LYPD6: variants seen among roughly 807,000 people sequenced by gnomAD.
The protein encoded by LYPD6 is ly6/PLAUR domain-containing protein 6.
Under a neutral mutation model 22.7 loss-of-function variants are expected in LYPD6, and 15 were observed. The ratio of observed to expected loss-of-function variants is 0.66; its 90% CI spans 0.44 to 1.02. The LOEUF is 1.02. LYPD6 is among the 50% of genes least tolerant of loss of function. LYPD6 has a pLI of 0.00. For missense variants in LYPD6, 189 were observed against 208.4 expected (o/e 0.91, Z 0.57); for synonymous variants, 72 against 77.5 (o/e 0.93, Z 0.37).
At chr2:149,330,374 T>G (rs1028035871), upstream of LYPD6, 2 of 151,168 alleles carry the variant, frequency 1.3e-5, no homozygotes, top group East Asian at 2.0e-4. Context: ...GTTTGCAGAC[T>G]TGGCGCTCAG....
intron 1 of LYPD6, among the ~76,000 whole-genome samples, chr2:149,343,803 A>G (rs1188686941): frequency 1.3e-5 from 2 of 152,084 alleles, no homozygotes; most frequent in Non-Finnish European, 2.9e-5. Context: ...ACTTCTTTGA[A>G]CTTCAGTTTC....
At position 149,448,364 on chromosome 2, in the gene LYPD6, C is replaced by T. The variant is rs966466478; in HGVS notation, c.119-685C>T. On this transcript the variant is annotated intron_variant, in intron 2 of 4. Coordinates refer to ENST00000334166, the MANE Select transcript of LYPD6 (RefSeq NM_194317.5). The stretch of plus-strand genomic sequence containing the variant: ...ACTAGTATATTAATATCAATACAAT[C>T]GGTCTACCAATGTCATTCTGATTTC... 1.8e-4 allele frequency among the ~76,000 whole-genome samples: 27 copies of T among 152,098 alleles called. 1 individual carries two copies. The highest frequency in any genetic ancestry group is 6.2e-4 in the South Asian group (3 of 4,826).
chr2:149,406,713 G>A (rs1443077882), intron 1 of LYPD6, among the ~76,000 whole-genome samples: 1 of 151,896 alleles, frequency 6.6e-6, no homozygotes, highest in Non-Finnish European at 1.5e-5. Context: ...CTTTTAATTG[G>A]AGCATTTAGT....
chr2:149,378,812 TG>T (rs1048826458), intron 1 of LYPD6, among the ~76,000 whole-genome samples: 7 of 152,306 alleles, frequency 4.6e-5, no homozygotes, highest in Admixed American at 1.3e-4. Context: ...CCTCCACTTC[TG>T]GGGCATGATC....
At chr2:149,341,597 C>T (rs920235430) in intron 1 of LYPD6, among the ~76,000 whole-genome samples, 2 of 152,222 alleles carry the variant, frequency 1.3e-5, no homozygotes, top group East Asian at 1.9e-4. Flanking sequence ...ATCTTAGACT[C>T]GTTGTGCTAC....
intron 3 of LYPD6, among the ~76,000 whole-genome samples, chr2:149,453,609 T>A (rs758741111): frequency 2.0e-5 from 3 of 152,234 alleles, no homozygotes; most frequent in Non-Finnish European, 4.4e-5. Context: ...GCTGGACATA[T>A]CCCTTGATGG....
intron 1 of LYPD6, among the ~76,000 whole-genome samples, chr2:149,391,345 T>A (rs556973398): frequency 6.6e-6 from 1 of 152,310 alleles, no homozygotes; most frequent in Admixed American, 6.5e-5. Context: ...CCTTTGAGCT[T>A]TTTCTTATTC....
intron 1 of LYPD6, among the ~76,000 whole-genome samples, chr2:149,409,294 C>G (rs1161197375): frequency 1.3e-5 from 2 of 152,180 alleles, no homozygotes; most frequent in African/African-American, 4.8e-5. Flanking sequence ...CCAGCACCTG[C>G]TCTGGTGGAG....
intron 2 of LYPD6, among the ~76,000 whole-genome samples, chr2:149,439,491 A>G (rs1573809227): frequency 1.3e-5 from 2 of 152,188 alleles, no homozygotes; most frequent in South Asian, 2.1e-4. Context: ...CAGCTTCTGT[A>G]TGATTCCTTC....
chr2:149,486,090 A>G, the LYPD6 span, among the ~76,000 whole-genome samples: 1 of 152,232 alleles, frequency 6.6e-6, no homozygotes, highest in Non-Finnish European at 1.5e-5. Flanking sequence ...TCATTATTAT[A>G]TTACACTTGA....
intron 1 of LYPD6, among the ~76,000 whole-genome samples, chr2:149,436,683 G>A (rs1000190917): frequency 6.6e-6 from 1 of 152,038 alleles, no homozygotes; most frequent in Non-Finnish European, 1.5e-5. Flanking sequence ...AGGTTTAAGC[G>A]ATTCTCCTGC....
At chr2:149,465,289 T>G (rs1168412138) in intron 3 of LYPD6, among the ~76,000 whole-genome samples, 2 of 151,944 alleles carry the variant, frequency 1.3e-5, no homozygotes, top group African/African-American at 4.8e-5. Flanking sequence ...GGGTCAGACA[T>G]GGGAAAAGGG....
At chr2:149,399,092 A>C (rs1415376710) in intron 1 of LYPD6, among the ~76,000 whole-genome samples, 1 of 152,162 alleles carries the variant, frequency 6.6e-6, no homozygotes, top group Non-Finnish European at 1.5e-5. Context: ...ATGAAGAGGA[A>C]GGTGTTAAAA....
At chr2:149,390,677 G>C (rs1000024322) in intron 1 of LYPD6, among the ~76,000 whole-genome samples, 1 of 152,038 alleles carries the variant, frequency 6.6e-6, no homozygotes, top group Non-Finnish European at 1.5e-5. Context: ...TCTTATGATA[G>C]CCAATTCTAT....
intron 1 of LYPD6, among the ~76,000 whole-genome samples, chr2:149,355,506 A>G (rs1236953589): frequency 1.3e-5 from 2 of 152,188 alleles, no homozygotes; most frequent in African/African-American, 4.8e-5. Context: ...AAATAATCTT[A>G]TGTTATCTTG....
Position 149,380,417 on chromosome 2 carries a change from A to G in LYPD6, c.-72+49695A>G, listed in dbSNP as rs144204591. 4.5e-3 allele frequency among the ~76,000 whole-genome samples: 689 copies of G among 152,320 alleles called. 7 individuals carry two copies. Among genetic ancestry groups the G allele is most frequent in the African/African-American group, 0.016 (647 of 41,570 alleles). On this transcript the variant is annotated intron_variant, in intron 1 of 4. Coordinates refer to ENST00000334166, the MANE Select transcript of LYPD6 (RefSeq NM_194317.5). ...GGAGGCTTATGCGACATTCCAGACA[A>G]GAATTGATGGAGGTGGTAAAGGGGC...
intron 1 of LYPD6, among the ~76,000 whole-genome samples, chr2:149,379,972 G>T (rs1013990924): frequency 2.0e-5 from 3 of 152,210 alleles, no homozygotes; most frequent in Non-Finnish European, 2.9e-5. Context: ...AAACAGAGCA[G>T]AGGAACGGGA....
At chr2:149,389,617 T>C (rs750950369) in intron 1 of LYPD6, among the ~76,000 whole-genome samples, 7 of 152,198 alleles carry the variant, frequency 4.6e-5, no homozygotes, top group Non-Finnish European at 5.9e-5. Context: ...CTGAATAGCA[T>C]GGAAGGTCAC....
At chr2:149,331,391 A>G (rs1301978708) in intron 1 of LYPD6, among the ~76,000 whole-genome samples, 1 of 152,244 alleles carries the variant, frequency 6.6e-6, no homozygotes, top group East Asian at 1.9e-4. Flanking sequence ...GTTCAGTTAC[A>G]ACCTAAAGCT....
Sources: gnomAD v4.1 joint callset for allele counts (sites outside exome capture counted in the v4.1 genomes callset) on GRCh38, gnomAD v4.1.1 for gene constraint, MANE v1.5 for transcripts, NCBI Gene and HGNC (gene_info 2026-07-23, HGNC 2026-07-21) for gene names.